The following ATP8B1 variants were observed in gnomAD, a reference collection of about 807,000 sequenced individuals.
ATP8B1 encodes ATPase phospholipid transporting 8B1.
ATP8B1 carries 80 observed loss-of-function variants against 149.9 expected under a neutral mutation model. That is an observed-to-expected ratio of 0.53 (90% CI 0.45 to 0.64). ATP8B1 has a LOEUF of 0.64. Ranked by LOEUF, ATP8B1 falls within the 30% of genes least tolerant of loss-of-function variation. The pLI is 0.00. For synonymous variants in ATP8B1, 536 were observed against 562.8 expected (o/e 0.95, Z 0.67); for missense variants, 1,247 against 1,552.6 (o/e 0.80, Z 3.31).
intron 26 of ATP8B1, 43 bp downstream of exon 26, chr18:57,651,991 A>T (rs746306002): frequency 6.9e-6 from 11 of 1,588,314 alleles, no homozygotes; most frequent in Non-Finnish European, 9.5e-6. Flanking sequence ...TAAACTAATG[A>T]CATTTGTCTG....
intron 1 of ATP8B1, among the ~76,000 whole-genome samples, chr18:57,794,338 A>G (rs1282890834): frequency 6.6e-6 from 1 of 151,980 alleles, no homozygotes; most frequent in Non-Finnish European, 1.5e-5. Flanking sequence ...TGATTTTTAT[A>G]CCAGGACACC....
chr18:57,674,736 C>T lies in ATP8B1; in HGVS notation c.1819+98G>A. On this transcript the variant is annotated intron_variant, in intron 16 of 27. Transcript: ENST00000648908. The stretch of plus-strand genomic sequence containing the variant: ...CAGAAATCTCCCAGGAGCCAAGTAG[C>T]TCTTTCACTGGCTGCTTTATCCTGA... 2.2e-6 allele frequency: 3 copies of T among 1,384,082 alleles called. No individual in the cohort carries two copies. The South Asian group carries it at 3.5e-5, about 16-fold the overall frequency. The allele number at this position is 1,384,082 out of a possible 1,614,324, so 85.7% of individuals were successfully genotyped here.
chr18:57,748,600 T>A (rs2079987767), intron 1 of ATP8B1, among the ~76,000 whole-genome samples: 1 of 152,200 alleles, frequency 6.6e-6, no homozygotes, highest in Non-Finnish European at 1.5e-5. Flanking sequence ...AATTCCTTAA[T>A]TCCAACAAAC....
At chr18:57,757,284 A>G (rs2080093691) in intron 1 of ATP8B1, among the ~76,000 whole-genome samples, 1 of 152,152 alleles carries the variant, frequency 6.6e-6, no homozygotes, top group African/African-American at 2.4e-5. Context: ...TCATTCTTTC[A>G]GCATGTCCAT....
intron 1 of ATP8B1, chr18:57,735,002 T>C (rs2079832591): frequency 6.6e-6 from 1 of 152,188 alleles, no homozygotes; most frequent in African/African-American, 2.4e-5. Flanking sequence ...CAATCATCTA[T>C]TGCCTGATGA....
chr18:57,677,709 C>T (rs141437746), intron 15 of ATP8B1, among the ~76,000 whole-genome samples: 51 of 152,194 alleles, frequency 3.4e-4, no homozygotes, highest in Admixed American at 1.1e-3. Flanking sequence ...TTCCTAAATC[C>T]GGCCATCTAG....
At chr18:57,650,205 T>G (rs1028338446) in intron 27 of ATP8B1, among the ~76,000 whole-genome samples, 162 bp downstream of exon 27, 1 of 152,192 alleles carries the variant, frequency 6.6e-6, no homozygotes, top group African/African-American at 2.4e-5. Context: ...AACTCCCAAT[T>G]CCAAAAGACT....
intron 6 of ATP8B1, among the ~76,000 whole-genome samples, chr18:57,698,079 T>A (rs1912913960): frequency 6.6e-6 from 1 of 152,170 alleles, no homozygotes; most frequent in African/African-American, 2.4e-5. Context: ...TTTGATACAT[T>A]CTTTTCATCT....
At chr18:57,797,008 T>C (rs1363546738) in intron 1 of ATP8B1, among the ~76,000 whole-genome samples, 2 of 152,226 alleles carry the variant, frequency 1.3e-5, no homozygotes, top group Non-Finnish European at 2.9e-5. Flanking sequence ...CAGAGGATCA[T>C]GTCAGTAACT....
intron 19 of ATP8B1, chr18:57,667,377 G>A (rs961978652): frequency 9.2e-6 from 5 of 541,844 alleles, no homozygotes; most frequent in East Asian, 3.2e-5. Context: ...TACGCAACTC[G>A]CTGCCAAGCC....
chr18:57,780,638 A>G (rs1257079938), intron 1 of ATP8B1, among the ~76,000 whole-genome samples: 1 of 152,194 alleles, frequency 6.6e-6, no homozygotes, highest in East Asian at 1.9e-4. Context: ...TTTCATTTAA[A>G]CCCTAAGAAA....
intron 1 of ATP8B1, among the ~76,000 whole-genome samples, chr18:57,757,254 G>A (rs905221283): frequency 1.3e-5 from 2 of 152,142 alleles, no homozygotes; most frequent in Admixed American, 6.5e-5. Context: ...CTAGCACTGT[G>A]TCCTTGTGAC....
chr18:57,657,379 C>T (rs1268159209), intron 22 of ATP8B1, among the ~76,000 whole-genome samples: 1 of 151,898 alleles, frequency 6.6e-6, no homozygotes. Flanking sequence ...TTAAAAGTAA[C>T]GAATGTGAAG....
At chr18:57,655,822 C>T (rs149269803) in intron 22 of ATP8B1, among the ~76,000 whole-genome samples, 6 of 152,296 alleles carry the variant, frequency 3.9e-5, no homozygotes, top group East Asian at 3.9e-4. Flanking sequence ...TACTACAAAT[C>T]GGCTCCCCCA....
In ATP8B1 at chr18:57,784,230, C is replaced by T. The variant is rs1004984965; in HGVS notation, c.-26+18768G>A. ...AAGAATGGAATTTGCAGGGGGAAGC[C>T]GGGGTCAGGGCGGGCTGGGCATAGA... On this transcript the variant is annotated intron_variant, in intron 1 of 27. Coordinates refer to ENST00000648908, the MANE Select transcript of ATP8B1 (RefSeq NM_001374385.1). This position sits in a 1 kb window ranked among gnomAD's most constrained non-coding sequence, Gnocchi z 4.4. 3.9e-5 allele frequency among the ~76,000 whole-genome samples: 6 copies of T among 152,036 alleles called. No homozygotes were observed. The highest frequency in any genetic ancestry group is 2.0e-4 in the Admixed American group (3 of 15,242).
chr18:57,685,160 C>T (rs756250378), intron 13 of ATP8B1, 45 bp from the exon 14 acceptor site: 8 of 1,601,478 alleles, frequency 5.0e-6, no homozygotes, highest in African/African-American at 1.3e-5. Context: ...ACACCTATGT[C>T]CAGAGGCCCC....
rs143005045 is a variant in ATP8B1 at position 57,770,091 on chromosome 18, C to A, written c.-26+32907G>T. Among the ~76,000 whole-genome samples, 10 of 133,162 alleles carry A rather than the reference C, an allele frequency of 7.5e-5. No individual in the cohort carries two copies. The East Asian group carries it at 2.2e-3, about 29-fold the overall frequency. 87.4% of individuals were successfully genotyped at this position (133,162 alleles called of 152,430 possible). ...CATTTTTTTTTTTTTTTTTTTGAGACAGAGTCTCACTCTCTCACTCAGGCT... is the reference window on the plus strand; with the variant it reads ...CATTTTTTTTTTTTTTTTTTTGAGAAAGAGTCTCACTCTCTCACTCAGGCT... On this transcript the variant is annotated intron_variant, in intron 1 of 27. Coordinates refer to ENST00000648908, the MANE Select transcript of ATP8B1 (RefSeq NM_001374385.1).
At chr18:57,755,401 C>A (rs2080067039) in intron 1 of ATP8B1, 1 of 152,004 alleles carries the variant, frequency 6.6e-6, no homozygotes, top group African/African-American at 2.4e-5. Context: ...CATGTGCTTG[C>A]TTCGGCAGCA....
chr18:57,710,140 C>T (rs986021901), intron 2 of ATP8B1, among the ~76,000 whole-genome samples: 1 of 151,932 alleles, frequency 6.6e-6, no homozygotes, highest in African/African-American at 2.4e-5. Flanking sequence ...GTGCCTGGCT[C>T]ATCTCATTTT....
Sources: gnomAD v4.1 joint callset for allele counts (sites outside exome capture counted in the v4.1 genomes callset) on GRCh38, gnomAD v4.1.1 for gene constraint, Gnocchi (gnomAD v3.1) non-coding constraint, MANE v1.5 for transcripts, NCBI Gene and HGNC (gene_info 2026-07-23, HGNC 2026-07-21) for gene names.